The following C7orf78 variants were observed in gnomAD, a reference collection of about 807,000 sequenced individuals.
The protein encoded by C7orf78 is chromosome 7 open reading frame 78.
At chr7:12,520,080 T>C in the C7orf78 span, among the ~76,000 whole-genome samples, 1 of 152,248 alleles carries the variant, frequency 6.6e-6, no homozygotes, top group Admixed American at 6.5e-5. Context: ...ACAGTGAGGA[T>C]GTAAGCCAAT....
At chr7:12,540,870 GA>G in the C7orf78 span, 1 of 152,176 alleles carries the variant, frequency 6.6e-6, no homozygotes, top group Non-Finnish European at 1.5e-5. Context: ...ACCCTTTATA[GA>G]AACTGATTCA....
At chr7:12,523,528 A>C in the C7orf78 span, 3 of 395,586 alleles carry the variant, frequency 7.6e-6, no homozygotes, top group Admixed American at 8.8e-5. Context: ...ACATATAGGA[A>C]AATGGTATGT....
chr7:12,537,155 A>T, the C7orf78 span, among the ~76,000 whole-genome samples: 1 of 152,242 alleles, frequency 6.6e-6, no homozygotes, highest in African/African-American at 2.4e-5. Context: ...GACATACCCA[A>T]GACTGAGCAA....
chr7:12,497,267 T>C, the C7orf78 span, among the ~76,000 whole-genome samples: 36 of 152,102 alleles, frequency 2.4e-4, no homozygotes, highest in African/African-American at 7.7e-4. Context: ...GCTCCCAGCC[T>C]GAGCGACGCA....
At chr7:12,512,681 G>T in the C7orf78 span, among the ~76,000 whole-genome samples, 1 of 152,062 alleles carries the variant, frequency 6.6e-6, no homozygotes, top group Non-Finnish European at 1.5e-5. Context: ...CCTGGCTTTT[G>T]TATCAGAGTA....
the C7orf78 span, among the ~76,000 whole-genome samples, chr7:12,515,053 G>T: frequency 6.6e-6 from 1 of 152,068 alleles, no homozygotes; most frequent in East Asian, 1.9e-4. Flanking sequence ...TTATAAACTT[G>T]TCTTTAGACA....
chr7:12,518,681 G>C, the C7orf78 span, among the ~76,000 whole-genome samples: 8 of 152,268 alleles, frequency 5.3e-5, no homozygotes, highest in Admixed American at 3.3e-4. Flanking sequence ...GTGTGCTCAG[G>C]CTTGGAGGTG....
chr7:12,499,860 C>G, the C7orf78 span, among the ~76,000 whole-genome samples: 105 of 146,826 alleles, frequency 7.2e-4, 2 homozygotes, highest in South Asian at 0.023. Flanking sequence ...TGTAAAAGAA[C>G]AGAAATTATA....
At chr7:12,523,049 A>G in the C7orf78 span, 6 of 398,300 alleles carry the variant, frequency 1.5e-5, no homozygotes, top group Non-Finnish European at 2.7e-5. Context: ...TATTGCAAAG[A>G]GGCTGCAATA....
At chr7:12,530,393 C>T in the C7orf78 span, 3 of 152,144 alleles carry the variant, frequency 2.0e-5, no homozygotes, top group Admixed American at 1.3e-4. Context: ...CCAGGGCCTG[C>T]TATCTGTCAT....
the C7orf78 span, among the ~76,000 whole-genome samples, chr7:12,503,258 A>T: frequency 6.6e-6 from 1 of 150,870 alleles, no homozygotes; most frequent in Non-Finnish European, 1.5e-5. Flanking sequence ...TAAAAGAAGG[A>T]AACACAAAAG....
At chr7:12,499,782 C>A in the C7orf78 span, among the ~76,000 whole-genome samples, 53 of 150,742 alleles carry the variant, frequency 3.5e-4, no homozygotes, top group South Asian at 0.011. Context: ...TATACATTTT[C>A]TTCAGCACCA....
the C7orf78 span, among the ~76,000 whole-genome samples, chr7:12,533,512 C>CTTTT: frequency 3.6e-5 from 4 of 112,622 alleles, no homozygotes; most frequent in Non-Finnish European, 1.8e-5. Context: ...CCAAAGGTTT[C>CTTTT]TTTTTTTTTT....
chr7:12,540,875 T>A, the C7orf78 span: 1 of 152,220 alleles, frequency 6.6e-6, no homozygotes, highest in Non-Finnish European at 1.5e-5. Flanking sequence ...TTATAGAAAC[T>A]GATTCAGTGA....
At chr7:12,529,703 T>A in the C7orf78 span, among the ~76,000 whole-genome samples, 1 of 152,154 alleles carries the variant, frequency 6.6e-6, no homozygotes, top group African/African-American at 2.4e-5. Flanking sequence ...GGCTTCCAGG[T>A]CATAAGTAGA....
the C7orf78 span, among the ~76,000 whole-genome samples, chr7:12,518,350 A>G: frequency 0.61 from 93,114 of 152,004 alleles, 29,894 homozygotes; most frequent in African/African-American, 0.82. Flanking sequence ...AGGCCTCCAC[A>G]TGTCTTGCCC....
the C7orf78 span, among the ~76,000 whole-genome samples, chr7:12,539,778 G>C: frequency 2.0e-5 from 3 of 152,138 alleles, no homozygotes; most frequent in African/African-American, 7.2e-5. Context: ...TAAACCTATG[G>C]GTTTATATAA....
At chr7:12,519,268 C>G in the C7orf78 span, among the ~76,000 whole-genome samples, 93 of 152,310 alleles carry the variant, frequency 6.1e-4, no homozygotes, top group Non-Finnish European at 1.1e-3. Flanking sequence ...AGCTTTAACA[C>G]AGGCCACACT....
chr7:12,504,114 A>T, the C7orf78 span, among the ~76,000 whole-genome samples: 5 of 152,188 alleles, frequency 3.3e-5, no homozygotes, highest in African/African-American at 7.2e-5. Context: ...AATATATCAC[A>T]TGTCAAACTC....
Sources: allele counts gnomAD v4.1 joint callset (sites outside exome capture counted in the v4.1 genomes callset), GRCh38; gene constraint gnomAD v4.1.1; transcripts MANE v1.5; gene names NCBI Gene and HGNC (gene_info 2026-07-23, HGNC 2026-07-21).